The following HDAC4 variants were observed in gnomAD, a reference collection of about 807,000 sequenced individuals.
HDAC4 encodes the protein histone deacetylase 4.
In HDAC4, 16 loss-of-function variants were observed where a neutral mutation model predicts 135.1. That is an observed-to-expected ratio of 0.12 (90% CI 0.08 to 0.18). HDAC4 has a LOEUF of 0.18. HDAC4 is among the 10% of genes least tolerant of loss of function. The pLI, the probability that HDAC4 is intolerant of heterozygous loss-of-function variation, is 1.00. For synonymous variants in HDAC4, 685 were observed against 653.4 expected (o/e 1.05, Z -0.74); for missense variants, 1,143 against 1,511.8 (o/e 0.76, Z 4.05).
chr2:239,379,947 G>C (rs1265200977), intron 1 of HDAC4, among the ~76,000 whole-genome samples: 1 of 152,248 alleles, frequency 6.6e-6, no homozygotes, highest in Non-Finnish European at 1.5e-5. Context: ...GGTGACTCGG[G>C]GGGAAGCGGA....
chr2:239,135,506 T>A (rs768203261), intron 9 of HDAC4, among the ~76,000 whole-genome samples: 2 of 152,206 alleles, frequency 1.3e-5, no homozygotes, highest in African/African-American at 4.8e-5. Context: ...TTTTGAAACA[T>A]GGTAATACCA....
chr2:239,355,958 A>G (rs1158608839), intron 1 of HDAC4, among the ~76,000 whole-genome samples: 1 of 152,256 alleles, frequency 6.6e-6, no homozygotes, highest in Non-Finnish European at 1.5e-5. Flanking sequence ...GATTCAATAG[A>G]GCACAGGCAT....
chr2:239,183,492 G>A (rs1189090919), intron 4 of HDAC4, among the ~76,000 whole-genome samples: 2 of 152,228 alleles, frequency 1.3e-5, no homozygotes, highest in East Asian at 1.9e-4. Context: ...GACCAGCTGG[G>A]GTAGGGCCAC....
rs866512879 is a variant in HDAC4 at position 239,309,740 on chromosome 2, C to T, written c.22+42938G>A. ...GGGGCCTCAAGGGAGGCAATCCCCC[C>T]ACACACCATCCCCTTCCCCTTCGCT... On this transcript the variant is annotated intron_variant, in intron 2 of 26. Transcript: ENST00000543185. This position sits in a 1 kb window ranked among gnomAD's most constrained non-coding sequence, Gnocchi z 4.2. Among the ~76,000 whole-genome samples the T allele has an allele frequency of 2.6e-5, 4 of 152,342 alleles. No individual in the cohort carries two copies. In the South Asian group the frequency reaches 8.3e-4, roughly 32 times the overall value.
chr2:239,226,548 C>T (rs889851715), intron 3 of HDAC4, among the ~76,000 whole-genome samples: 5 of 152,212 alleles, frequency 3.3e-5, no homozygotes, highest in African/African-American at 4.8e-5. Flanking sequence ...CAATTCTCCA[C>T]GACGCCCCAA....
At chr2:239,095,858 G>T (rs2036974698) in intron 16 of HDAC4, among the ~76,000 whole-genome samples, 1 of 152,180 alleles carries the variant, frequency 6.6e-6, no homozygotes, top group Non-Finnish European at 1.5e-5. Context: ...CATTCCTAGC[G>T]GCTGCCTGGG....
At chr2:239,264,226 T>C (rs1321058749) in intron 2 of HDAC4, among the ~76,000 whole-genome samples, 2 of 152,138 alleles carry the variant, frequency 1.3e-5, no homozygotes, top group Non-Finnish European at 2.9e-5. Context: ...AGGCTTCACC[T>C]CTTTCTGCTC....
At chr2:239,113,962 C>A (rs1202586725) in intron 13 of HDAC4, among the ~76,000 whole-genome samples, 1 of 152,168 alleles carries the variant, frequency 6.6e-6, no homozygotes, top group East Asian at 1.9e-4. Flanking sequence ...GCACCCAATG[C>A]CAGCCACTGG....
At chr2:239,148,624 G>A (rs765749394) in intron 7 of HDAC4, among the ~76,000 whole-genome samples, 2 of 152,230 alleles carry the variant, frequency 1.3e-5, no homozygotes, top group African/African-American at 4.8e-5. Context: ...ATCCAAGAGT[G>A]CGACAGAATA....
chr2:239,366,902 A>C (rs1364433055), intron 1 of HDAC4, among the ~76,000 whole-genome samples: 1 of 146,200 alleles, frequency 6.8e-6, no homozygotes, highest in Non-Finnish European at 1.5e-5. Context: ...CTAAGTAAGG[A>C]AAGATCTCTT....
intron 16 of HDAC4, among the ~76,000 whole-genome samples, chr2:239,102,092 G>A (rs1300289123): frequency 3.9e-5 from 4 of 101,694 alleles, no homozygotes; most frequent in East Asian, 3.5e-4. Flanking sequence ...GGAAGCCCCC[G>A]GCCCGGGGTC....
At chr2:239,203,110 T>C (rs1326386475) in intron 3 of HDAC4, among the ~76,000 whole-genome samples, 1 of 152,102 alleles carries the variant, frequency 6.6e-6, no homozygotes, top group Non-Finnish European at 1.5e-5. Flanking sequence ...AGGCAGAAGC[T>C]ACCGCGAAAA....
At chr2:239,211,680 G>C (rs1040647581) in intron 3 of HDAC4, among the ~76,000 whole-genome samples, 5 of 152,200 alleles carry the variant, frequency 3.3e-5, no homozygotes, top group Admixed American at 3.3e-4. Context: ...TGAAGCTGCA[G>C]ACACACCTTT....
rs367986443 is a variant in HDAC4 at position 239,137,747 on chromosome 2, C to T, written c.978+1937G>A. On this transcript the variant is annotated intron_variant, in intron 9 of 26. Coordinates refer to ENST00000543185, the MANE Select transcript of HDAC4 (RefSeq NM_001378414.1). ...TGAAGCACAGGTGTTCTCACAGACC[C>T]GTCCAACTCTAGAGATACTGAAACC... 9.9e-5 allele frequency among the ~76,000 whole-genome samples: 15 copies of T among 152,252 alleles called. No homozygotes were observed. In the East Asian group the frequency reaches 1.9e-3, roughly 20 times the overall value.
At chr2:239,251,652 T>C (rs2048790239) in intron 2 of HDAC4, among the ~76,000 whole-genome samples, 2 of 152,138 alleles carry the variant, frequency 1.3e-5, no homozygotes, top group South Asian at 4.1e-4. Flanking sequence ...CCTGCAGTCC[T>C]AGCTCCTGCT....
chr2:239,258,235 A>G (rs2049154486), intron 2 of HDAC4, among the ~76,000 whole-genome samples: 1 of 152,156 alleles, frequency 6.6e-6, no homozygotes, highest in African/African-American at 2.4e-5. Flanking sequence ...ATGATCTCAA[A>G]AGTCAAGGGC....
intron 1 of HDAC4, among the ~76,000 whole-genome samples, chr2:239,394,062 T>C (rs1696404378): frequency 8.7e-6 from 1 of 115,472 alleles, no homozygotes; most frequent in South Asian, 2.9e-4. Flanking sequence ...CTCCAGCAAA[T>C]AGCAACACAT....
At chr2:239,098,900 AG>A (rs34550353) in intron 16 of HDAC4, among the ~76,000 whole-genome samples, 1 of 152,242 alleles carries the variant, frequency 6.6e-6, no homozygotes, top group Non-Finnish European at 1.5e-5. Context: ...GCATCCTCAC[AG>A]GAATGTGAAC....
In HDAC4 at chr2:239,303,071, T is replaced by G. The variant is rs1181760203; in HGVS notation, c.22+49607A>C. On this transcript the variant is annotated intron_variant, in intron 2 of 26. Coordinates refer to ENST00000543185, the MANE Select transcript of HDAC4 (RefSeq NM_001378414.1). The surrounding 1 kb of genome is among the most constrained non-coding windows in gnomAD (Gnocchi z 5.1). ...CCCCCGGGTGGGAGAGGTCATCACCTCCGCGTACTGAACAGAAGCCCAGCT... is the reference window on the plus strand; with the variant it reads ...CCCCCGGGTGGGAGAGGTCATCACCGCCGCGTACTGAACAGAAGCCCAGCT... Among the ~76,000 whole-genome samples the G allele has an allele frequency of 6.6e-6, 1 of 152,024 alleles. No individual in the cohort carries two copies. Among genetic ancestry groups the G allele is most frequent in the Non-Finnish European group, 1.5e-5 (1 of 67,976 alleles).
Sources: allele counts gnomAD v4.1 joint callset (sites outside exome capture counted in the v4.1 genomes callset), GRCh38; gene constraint gnomAD v4.1.1; non-coding constraint Gnocchi (gnomAD v3.1); transcripts MANE v1.5; gene names NCBI Gene and HGNC (gene_info 2026-07-23, HGNC 2026-07-21).